The following MTUS1 variants were observed in gnomAD, a reference collection of about 807,000 sequenced individuals.
MTUS1 encodes microtubule-associated tumor suppressor 1.
Under a neutral mutation model 120.8 loss-of-function variants are expected in MTUS1, and 109 were observed. The ratio of observed to expected loss-of-function variants is 0.90; its 90% CI spans 0.77 to 1.06. The LOEUF (loss-of-function observed/expected upper bound fraction) is 1.06, where lower values mean the gene tolerates loss of function less well. MTUS1 is among the 50% of genes least tolerant of loss of function. MTUS1 has a pLI of 0.00. For synonymous variants in MTUS1, 737 were observed against 550.5 expected (o/e 1.34, Z -4.74); for missense variants, 2,210 against 1,486.3 (o/e 1.49, Z -8.01).
At chr8:17,652,793 G>A (rs1301722882) in intron 12 of MTUS1, among the ~76,000 whole-genome samples, 2 of 150,448 alleles carry the variant, frequency 1.3e-5, no homozygotes, top group South Asian at 2.1e-4. Context: ...CCGAGATCAC[G>A]CCACTACACT....
chr8:17,792,897 T>A (rs2051917944), intron 1 of MTUS1, among the ~76,000 whole-genome samples: 1 of 152,174 alleles, frequency 6.6e-6, no homozygotes. Flanking sequence ...TTTTTAACCC[T>A]TAAACAGAAA....
At chr8:17,730,044 G>A (rs1586009969) in intron 3 of MTUS1, among the ~76,000 whole-genome samples, 1 of 150,692 alleles carries the variant, frequency 6.6e-6, no homozygotes, top group South Asian at 2.1e-4. Context: ...AGGACACGGA[G>A]AAACTGGAAC....
At position 17,754,281 on chromosome 8, in the gene MTUS1, A is replaced by G. The variant is rs370084248; in HGVS notation, c.1527T>C (p.Asn509=). ...CTCTAGACATAACTTTTGCTTTGACATTCTTGAAGTTTGGTCTTGGGTAAC... is the reference window on the plus strand; with the variant it reads ...CTCTAGACATAACTTTTGCTTTGACGTTCTTGAAGTTTGGTCTTGGGTAAC... ...IISYPRPNFK[N]VKAKVMSRAV... is the part of the protein sequence containing the mutation. The change falls in exon 2 of 15, where the codon AAT becomes AAC. Residue 509 remains asparagine, a synonymous_variant. Transcript: ENST00000693296. 2.8e-4 allele frequency: 451 copies of G among 1,613,962 alleles called. 1 individual carries two copies. Among genetic ancestry groups the G allele is most frequent in the Non-Finnish European group, 7.4e-5 (87 of 1,180,036 alleles).
intron 3 of MTUS1, among the ~76,000 whole-genome samples, chr8:17,738,963 A>ACC (rs535928202): frequency 1.3e-5 from 2 of 151,626 alleles, no homozygotes; most frequent in African/African-American, 4.8e-5. Flanking sequence ...ACAAAGTGAG[A>ACC]CCCCCCCATC....
chr8:17,730,066 G>C (rs935276772), intron 3 of MTUS1, among the ~76,000 whole-genome samples: 1 of 151,876 alleles, frequency 6.6e-6, no homozygotes, highest in Non-Finnish European at 1.5e-5. Flanking sequence ...CTTGTGCAAG[G>C]CTAGCGGGAA....
intron 1 of MTUS1, among the ~76,000 whole-genome samples, chr8:17,787,208 C>G (rs1586409055): frequency 6.6e-6 from 1 of 152,206 alleles, no homozygotes; most frequent in South Asian, 2.1e-4. Flanking sequence ...GGATGAGGAA[C>G]AGGCCACAGC....
intron 1 of MTUS1, among the ~76,000 whole-genome samples, chr8:17,776,330 G>A (rs573470069): frequency 2.6e-4 from 39 of 152,016 alleles, no homozygotes; most frequent in African/African-American, 9.2e-4. Flanking sequence ...TGGTATTGAC[G>A]GTGGGGGCGG....
chr8:17,754,294 G>C lies in MTUS1; in HGVS notation c.1514C>G (p.Pro505Arg). 6.2e-7 allele frequency: 1 copy of C among 1,613,956 alleles called. No homozygotes were observed. The highest frequency in any genetic ancestry group is 1.3e-5 in the African/African-American group (1 of 74,950). Reference protein sequence around the residue: ...RKTEIISYPRPNFKNVKAKVM... With the variant: ...RKTEIISYPRRNFKNVKAKVM... ...TTTTGCTTTGACATTCTTGAAGTTTGGTCTTGGGTAACTTATAATTTCAGT... is the reference window on the plus strand; with the variant it reads ...TTTTGCTTTGACATTCTTGAAGTTTCGTCTTGGGTAACTTATAATTTCAGT... The change falls in exon 2 of 15, where the codon CCA (proline) becomes CGA (arginine). Residue 505 changes from proline to arginine, a missense_variant. Pro to Arg is a moderately radical substitution (Grantham distance 103). Coordinates refer to ENST00000693296, the MANE Select transcript of MTUS1 (RefSeq NM_001363059.2).
chr8:17,739,494 C>CATAA (rs112250178), intron 3 of MTUS1, among the ~76,000 whole-genome samples: 197 of 151,926 alleles, frequency 1.3e-3, no homozygotes, highest in African/African-American at 4.4e-3. Context: ...AACTCCATCT[C>CATAA]ATAAATAAAT....
intron 4 of MTUS1, chr8:17,721,756 C>G (rs1273097205): frequency 6.2e-7 from 1 of 1,613,750 alleles, no homozygotes; most frequent in East Asian, 2.2e-5. Context: ...TATACAAAGG[C>G]TGTACGATCC....
At chr8:17,769,807 G>T (rs1014825780) in intron 1 of MTUS1, among the ~76,000 whole-genome samples, 3 of 150,208 alleles carry the variant, frequency 2.0e-5, no homozygotes, top group Non-Finnish European at 4.4e-5. Context: ...AAAATGCTCA[G>T]ATCATTTTAA....
Position 17,755,235 on chromosome 8 carries a change from T to G in MTUS1, c.573A>C (p.Pro191=). The part of the protein sequence containing the change: ...SQSFHTAGSL[P]PTGRRSGSTS... ...TACTTCCACTTCTCCTACCAGTTGG[T>G]GGCAGGCTTCCAGCAGTATGGAAGG... The change falls in exon 2 of 15, where the codon CCA becomes CCC. Residue 191 remains proline, a synonymous_variant. Transcript: ENST00000693296. The G allele has an allele frequency of 6.2e-7, 1 of 1,614,224 alleles. No homozygotes were observed. The highest frequency in any genetic ancestry group is 8.5e-7 in the Non-Finnish European group (1 of 1,180,030).
At chr8:17,686,588 T>A (rs1815855964) in intron 6 of MTUS1, among the ~76,000 whole-genome samples, 1 of 152,234 alleles carries the variant, frequency 6.6e-6, no homozygotes, top group Admixed American at 6.5e-5. Context: ...GAGTAACATT[T>A]GCCTCTCTTT....
At chr8:17,716,140 T>C (rs548925062) in intron 4 of MTUS1, among the ~76,000 whole-genome samples, 3 of 152,330 alleles carry the variant, frequency 2.0e-5, no homozygotes, top group South Asian at 4.1e-4. Flanking sequence ...TCCAAGCTTA[T>C]GCATCTTGTC....
intron 6 of MTUS1, among the ~76,000 whole-genome samples, chr8:17,703,337 C>T (rs2979807): frequency 0.19 from 28,437 of 151,898 alleles, 2,729 homozygotes; most frequent in East Asian, 0.27. Flanking sequence ...CTGTCCTATG[C>T]GGTGGAGATA....
chr8:17,679,751 C>A (rs146563109), intron 7 of MTUS1, among the ~76,000 whole-genome samples: 2,469 of 152,290 alleles, frequency 0.016, 17 homozygotes, highest in Non-Finnish European at 0.025. Context: ...GATCCACCCG[C>A]CTCAGCCTCC....
chr8:17,709,803 T>C (rs958620244), intron 6 of MTUS1, among the ~76,000 whole-genome samples: 4 of 151,982 alleles, frequency 2.6e-5, no homozygotes, highest in African/African-American at 9.7e-5. Flanking sequence ...AGTCAGGAGA[T>C]GGAGACCATC....
intron 7 of MTUS1, among the ~76,000 whole-genome samples, chr8:17,681,416 A>C (rs559412679): frequency 6.6e-6 from 1 of 152,304 alleles, no homozygotes; most frequent in African/African-American, 2.4e-5. Flanking sequence ...TTTAGTTGAT[A>C]GCTTCCTAGA....
At chr8:17,773,390 T>C (rs567639856) in intron 1 of MTUS1, among the ~76,000 whole-genome samples, 48 of 152,324 alleles carry the variant, frequency 3.2e-4, no homozygotes, top group African/African-American at 1.1e-3. Flanking sequence ...GCCCAGTGTC[T>C]ATATCAATGG....
Sources: gnomAD v4.1 joint callset for allele counts (sites outside exome capture counted in the v4.1 genomes callset) on GRCh38, gnomAD v4.1.1 for gene constraint, MANE v1.5 for transcripts, NCBI Gene and HGNC (gene_info 2026-07-23, HGNC 2026-07-21) for gene names.